CELSR2: variants seen among roughly 807,000 people sequenced by gnomAD.
CELSR2 encodes EGF-like protein 2.
CELSR2 carries 81 observed loss-of-function variants against 251.6 expected under a neutral mutation model. The ratio of observed to expected loss-of-function variants is 0.32; its 90% confidence interval spans 0.27 to 0.39. The LOEUF (loss-of-function observed/expected upper bound fraction) is 0.39, where lower values mean the gene tolerates loss of function less well. Ranked by LOEUF, CELSR2 falls within the 10% of genes least tolerant of loss-of-function variation. The probability of loss-of-function intolerance (pLI) is 1.00; values close to 1 mark genes in which losing one functional copy is unlikely to be tolerated. For synonymous variants in CELSR2, 1,721 were observed against 1,670.5 expected, an observed-to-expected ratio of 1.03 and a Z score of -0.74; for missense variants, 3,365 against 3,947.7, an observed-to-expected ratio of 0.85 and a Z score of 3.96.
Position 109,269,850 on chromosome 1 carries a change from G to A in CELSR2, c.7107+30G>A, listed in dbSNP as rs201866940. On this transcript the variant is annotated intron_variant, in intron 22 of 33. Coordinates refer to ENST00000271332, the MANE Select transcript of CELSR2 (RefSeq NM_001408.3). This position sits in a 1 kb window ranked among gnomAD's most constrained non-coding sequence, Gnocchi z 6.4. ...GGCCCACAGGGGCAGCTGCAGAGCC[G>A]TGGGTGGGCACCCAGGGCACGGGGC... The A allele has an allele frequency of 4.0e-5, 64 of 1,612,988 alleles. No individual in the cohort carries two copies. The highest frequency in any genetic ancestry group is 2.5e-4 in the Admixed American group (15 of 60,012).
At chr1:109,267,466 C>T in intron 15 of CELSR2, 82 bp from the exon 16 acceptor site, 29 of 1,288,180 alleles carry the variant, frequency 2.3e-5, no homozygotes, top group Non-Finnish European at 3.2e-5. Flanking sequence ...GAGGTGCTGG[C>T]CTCCAGCAGA....
In CELSR2 at chr1:109,253,275, C is replaced by A; in HGVS notation, c.3196C>A (p.Arg1066=). The A allele has an allele frequency of 6.2e-7, 1 of 1,613,432 alleles. No individual in the cohort carries two copies. The highest frequency in any genetic ancestry group is 1.1e-5 in the South Asian group (1 of 91,078). Residue 1066 remains arginine (R), a synonymous_variant, in exon 1 of 34, where the codon CGG becomes AGG. Transcript: ENST00000271332. The part of the protein sequence containing the change: ...ISDSLTYSFE[R]GNELSLVLLN... ...AGATAGTCTGACTTACAGCTTTGAG[C>A]GGGGAAATGAACTCAGCCTGGTCCT...
Position 109,265,243 on chromosome 1 carries a change from T to A in CELSR2, c.5659T>A (p.Cys1887Ser). The A allele has an allele frequency of 6.2e-7, 1 of 1,613,032 alleles. No individual in the cohort carries two copies. The highest frequency in any genetic ancestry group is 8.5e-7 in the Non-Finnish European group (1 of 1,179,312). The change falls in exon 13 of 34, where the codon TGC becomes AGC. Residue 1887 changes from cysteine (C) to serine (S), a missense_variant. This residue lies in a region of CELSR2 where 2,093 missense variants were observed against 2,382.8 expected (regional missense o/e 0.88). Transcript: ENST00000271332. ...GWWGHPTCGP[C>S]NCDVSKGFDP... is the part of the protein sequence containing the mutation. ...GTGGGGACATCCCACATGTGGCCCA[T>A]GCAACTGTGATGTCAGCAAAGGCTT...
chr1:109,249,614 G>T lies in CELSR2; in HGVS notation c.-466G>T, dbSNP rs1331524099. Among the ~76,000 whole-genome samples, 1 of 147,368 alleles carries T rather than the reference G, an allele frequency of 6.8e-6. No individual in the cohort carries two copies. The highest frequency in any genetic ancestry group is 2.4e-5 in the African/African-American group (1 of 40,956). On this transcript the variant is annotated 5_prime_UTR_variant, in exon 1 of 34. Transcript: ENST00000271332. ...GGGGCCGCGGCGACAGGCAGCAGCC[G>T]CGGCGGGGACGCGGGGCGCGAGCGG...
chr1:109,267,793 G>T, intron 16 of CELSR2, 58 bp from the exon 17 acceptor site: 4 of 1,582,154 alleles, frequency 2.5e-6, no homozygotes, highest in Non-Finnish European at 3.4e-6. Context: ...ACCTCCTGAG[G>T]TCCTTTTGCT....
Position 109,263,750 on chromosome 1 carries a change from CA to C in CELSR2, c.4975del (p.Arg1659GlyfsTer15). The C allele has an allele frequency of 6.2e-7, 1 of 1,613,616 alleles. No individual in the cohort carries two copies. Among genetic ancestry groups the C allele is most frequent in the Non-Finnish European group, 8.5e-7 (1 of 1,179,968 alleles). On this transcript the variant is annotated frameshift_variant, in exon 9 of 34. Transcript: ENST00000271332. LOFTEE classifies it high-confidence loss of function. ...ADGVLLQAIT[R>X]GRSTITLQLR... is the part of the protein sequence containing the mutation. ...ACGGTGTCCTGCTGCAGGCCATCAC[CA>C]GGGGGCGCAGCACCATCACCCTACA... is the stretch of plus-strand genomic sequence containing the variant.
At position 109,252,937 on chromosome 1, in the gene CELSR2, A is replaced by G. The variant is rs1223692503; in HGVS notation, c.2858A>G (p.Asn953Ser). 8 of 1,612,628 alleles carry G rather than the reference A, an allele frequency of 5.0e-6. No individual in the cohort carries two copies. Among genetic ancestry groups the G allele is most frequent in the South Asian group, 3.3e-5 (3 of 90,868 alleles). The change falls in exon 1 of 34, where the codon AAT (asparagine) becomes AGT (serine). Residue 953 changes from asparagine (N) to serine (S), a missense_variant. By Grantham distance (46) the Asn-to-Ser change is conservative. Coordinates refer to ENST00000271332, the MANE Select transcript of CELSR2 (RefSeq NM_001408.3). This position sits in a 1 kb window ranked among gnomAD's most constrained non-coding sequence, Gnocchi z 4.8. ...GCCACTGACCCCGATGAAGGCACCA[A>G]TGCCCAGATTATGTACCAGATTGTG... The part of the protein sequence containing the change: ...VTATDPDEGT[N>S]AQIMYQIVEG...
intron 23 of CELSR2, 21 bp downstream of exon 23, chr1:109,270,154 A>G (rs757765078): frequency 4.3e-6 from 7 of 1,611,778 alleles, no homozygotes; most frequent in South Asian, 1.1e-5. Flanking sequence ...CCTACTGCCC[A>G]GAAACTGTCC....
Position 109,251,502 on chromosome 1 carries a change from C to T in CELSR2, c.1423C>T (p.Arg475Ter). ...ETTKEYTLRV[R>*]AQDGGRPPLS... ...GACCAAGGAGTACACCCTACGGGTG[C>T]GAGCACAGGATGGTGGCCGTCCCCC... The change falls in exon 1 of 34, where the codon CGA becomes TGA. Residue 475 changes from arginine (R) to a stop codon, truncating the protein, a stop_gained. Transcript: ENST00000271332. LOFTEE classifies it high-confidence loss of function. The surrounding 1 kb of genome is among the most constrained non-coding windows in gnomAD (Gnocchi z 4.9). 3 of 1,613,734 alleles carry T rather than the reference C, an allele frequency of 1.9e-6. No individual in the cohort carries two copies. Among genetic ancestry groups the T allele is most frequent in the African/African-American group, 1.3e-5 (1 of 75,048 alleles).
intron 17 of CELSR2, 46 bp from the exon 18 acceptor site, chr1:109,268,535 C>A: frequency 6.4e-7 from 1 of 1,552,382 alleles, no homozygotes; most frequent in South Asian, 1.2e-5. Flanking sequence ...GTGGGGATGT[C>A]AGGTGTGGGT....
Position 109,274,100 on chromosome 1 carries a change from A to T in CELSR2, c.*51A>T. The T allele has an allele frequency of 6.2e-7, 1 of 1,612,570 alleles. No homozygotes were observed. Among genetic ancestry groups the T allele is most frequent in the Non-Finnish European group, 8.5e-7 (1 of 1,179,746 alleles). ...AGGCTCCCTTCCCTTCCCCAGCCGC[A>T]CTCATGCCCTGCTCCTGTCTTGTGC... On this transcript the variant is annotated 3_prime_UTR_variant, in exon 34 of 34. Coordinates refer to ENST00000271332, the MANE Select transcript of CELSR2 (RefSeq NM_001408.3).
intron 28 of CELSR2, 46 bp downstream of exon 28, chr1:109,271,768 G>T (rs1356894512): frequency 3.1e-6 from 5 of 1,603,156 alleles, no homozygotes; most frequent in Non-Finnish European, 4.3e-6. Flanking sequence ...GGAGGGAGAG[G>T]CAGGAGGCCC....
Position 109,261,910 on chromosome 1 carries a change from G to C in CELSR2, c.4386+14G>C, listed in dbSNP as rs749226153. On this transcript the variant is annotated intron_variant, in intron 5 of 33. Transcript: ENST00000271332. The surrounding 1 kb of genome is among the most constrained non-coding windows in gnomAD (Gnocchi z 4.8). ...TACTACAATAAGGTGGGTGTGGAGG[G>C]CACAGAGGGTTGGGGGTTCTGTTCT... The C allele has an allele frequency of 5.8e-6, 9 of 1,563,800 alleles. 1 individual carries two copies. The South Asian group carries it at 9.4e-5, about 16-fold the overall frequency.
In CELSR2 at chr1:109,268,939, G is replaced by A. The variant is rs139795794; in HGVS notation, c.6562G>A (p.Glu2188Lys). The A allele has an allele frequency of 1.8e-5, 29 of 1,613,460 alleles. No individual in the cohort carries two copies. Among genetic ancestry groups the A allele is most frequent in the Non-Finnish European group, 2.5e-5 (29 of 1,179,630 alleles). ...NFAGAKLPRY[E>K]ALRGEQPPDL... ...TGCTGGGGCCAAGCTGCCCCGCTAC[G>A]AGGCCCTGCGTGGGGAGCAGCCCCC... Residue 2188 changes from glutamate to lysine, a missense_variant, in exon 19 of 34, where the codon GAG becomes AAG. Around this residue, in one of 5 missense-constraint regions of CELSR2, gnomAD observed 2,093 missense variants for 2,382.8 expected, o/e 0.88. Transcript: ENST00000271332.
Position 109,273,490 on chromosome 1 carries a change from G to A in CELSR2, c.8564G>A (p.Arg2855Gln), listed in dbSNP as rs1344384359. 13 of 1,611,562 alleles carry A rather than the reference G, an allele frequency of 8.1e-6. No homozygotes were observed. The highest frequency in any genetic ancestry group is 6.7e-5 in the Admixed American group (4 of 59,858). Residue 2855 changes from arginine to glutamine, a missense_variant, in exon 33 of 34, where the codon CGG (arginine) becomes CAG (glutamine). Transcript: ENST00000271332. ...PTISEKSSLL[R>Q]LPLEQCTGSS... is the part of the protein sequence containing the mutation. ...ATCAGCGAGAAGAGCAGCCTCCTGC[G>A]GCTCCCCCTGGAGCAATGCACAGGG...
Position 109,250,527 on chromosome 1 carries a change from C to G in CELSR2, c.448C>G (p.Leu150Val). 6.2e-7 allele frequency: 1 copy of G among 1,613,924 alleles called. No individual in the cohort carries two copies. Among genetic ancestry groups the G allele is most frequent in the Non-Finnish European group, 8.5e-7 (1 of 1,180,026 alleles). ...APRLRCQSCKLAQAPGLRAGE... is the reference protein window; with the variant it reads ...APRLRCQSCKVAQAPGLRAGE... ...ACGGCTCAGATGCCAGTCCTGCAAGCTGGCACAGGCCCCCGGGCTCAGGGC... is the reference window on the plus strand; with the variant it reads ...ACGGCTCAGATGCCAGTCCTGCAAGGTGGCACAGGCCCCCGGGCTCAGGGC... Residue 150 changes from leucine (L) to valine (V), a missense_variant, in exon 1 of 34, where the codon CTG becomes GTG. Physicochemically the swap from Leu to Val is conservative, Grantham distance 32 (BLOSUM62 1). Around this residue, in one of 5 missense-constraint regions of CELSR2, gnomAD observed 704 missense variants for 784.1 expected, o/e 0.90. Transcript: ENST00000271332. This position sits in a 1 kb window ranked among gnomAD's most constrained non-coding sequence, Gnocchi z 4.4.
At chr1:109,257,841 G>A (rs1299298123) in intron 1 of CELSR2, among the ~76,000 whole-genome samples, 1 of 152,174 alleles carries the variant, frequency 6.6e-6, no homozygotes, top group Non-Finnish European at 1.5e-5. Context: ...CCAGAGAGTT[G>A]GGCGGGAAGA....
At position 109,269,605 on chromosome 1, in the gene CELSR2, G is replaced by T. The variant is rs781123327; in HGVS notation, c.6980+14G>T. 1 of 1,613,540 alleles carries T rather than the reference G, an allele frequency of 6.2e-7. No individual in the cohort carries two copies. The highest frequency in any genetic ancestry group is 8.5e-7 in the Non-Finnish European group (1 of 1,179,666). ...CCATTCAATCCTGTGAGCCTGCACT[G>T]CCCTCGCCCCCTCAGGCTTCGGGCT... On this transcript the variant is annotated intron_variant, in intron 21 of 33. Coordinates refer to ENST00000271332, the MANE Select transcript of CELSR2 (RefSeq NM_001408.3). This position sits in a 1 kb window ranked among gnomAD's most constrained non-coding sequence, Gnocchi z 6.4.
At chr1:109,260,973 T>C (rs999714222) in intron 2 of CELSR2, 69 bp from the exon 3 acceptor site, 1 of 1,243,096 alleles carries the variant, frequency 8.0e-7, no homozygotes, top group African/African-American at 1.5e-5. Flanking sequence ...TATCACTGGG[T>C]TGTGGGGGGT....
Sources: gnomAD v4.1 joint callset for allele counts (sites outside exome capture counted in the v4.1 genomes callset) on GRCh38, gnomAD v4.1.1 for gene constraint, gnomAD v4.1.1 regional missense constraint, Gnocchi (gnomAD v3.1) non-coding constraint, MANE v1.5 for transcripts, NCBI Gene and HGNC (gene_info 2026-07-23, HGNC 2026-07-21) for gene names.